The following COPG2 variants were observed in gnomAD, a reference collection of about 807,000 sequenced individuals.
COPG2 encodes coatomer subunit gamma-2.
Under a neutral mutation model 46.3 loss-of-function variants are expected in COPG2, and 37 were observed. The observed-to-expected ratio is 0.80, with a 90% confidence interval of 0.61 to 1.05. The LOEUF is 1.05. COPG2 is among the 50% of genes least tolerant of loss of function. COPG2 has a pLI of 0.00. For synonymous variants in COPG2, 159 were observed against 129.7 expected, an observed-to-expected ratio of 1.23 and a Z score of -1.53; for missense variants, 427 against 387.8, an observed-to-expected ratio of 1.10 and a Z score of -0.85.
intron 20 of COPG2, among the ~76,000 whole-genome samples, chr7:130,543,773 T>C (rs1244593357): frequency 6.6e-6 from 1 of 152,188 alleles, no homozygotes; most frequent in African/African-American, 2.4e-5. Flanking sequence ...CATGATTAAG[T>C]TGCATTCTGT....
At chr7:130,668,553 C>T (rs1414643313) in intron 1 of COPG2, 79 bp downstream of exon 1, 8 of 1,375,322 alleles carry the variant, frequency 5.8e-6, no homozygotes, top group Admixed American at 5.0e-5. Context: ...CCAGCCCCGC[C>T]GGCCTGAAAG....
In COPG2 at chr7:130,512,052, TAA is replaced by T. The variant is rs1182017221; in HGVS notation, c.2150-3395_2150-3394del. On this transcript the variant is annotated intron_variant, in intron 20 of 23. Transcript: ENST00000425248. ...CAACATGGTGAAACACTGTGTCTTC[TAA>T]AAAAAAAAAAAAAAAAAAAAAAATA... Among the ~76,000 whole-genome samples, 506 of 99,124 alleles carry T rather than the reference TAA, an allele frequency of 5.1e-3. 5 individuals are homozygous for T. Among genetic ancestry groups the T allele is most frequent in the South Asian group, 7.1e-3 (21 of 2,978 alleles). The allele number at this position is 99,124 out of a possible 152,430, so 65.0% of individuals were successfully genotyped here.
intron 5 of COPG2, among the ~76,000 whole-genome samples, chr7:130,633,985 C>A (rs1795280625): frequency 6.6e-6 from 1 of 152,092 alleles, no homozygotes; most frequent in Non-Finnish European, 1.5e-5. Context: ...GAATCCTTTC[C>A]CCATTGCTTG....
Position 130,555,037 on chromosome 7 carries a change from A to T in COPG2, c.1224T>A (p.Asp408Glu). Residue 408 changes from aspartate to glutamate, a missense_variant and splice_region_variant, in exon 13 of 24, where the codon GAT (aspartate) becomes GAA (glutamate). By Grantham distance (45) the Asp-to-Glu change is conservative. Transcript: ENST00000425248. ...MTFLSNMLRDDGGFEYKRAIV... is the reference protein window; with the variant it reads ...MTFLSNMLRDEGGFEYKRAIV... ...TATGATTAAAAAGTAGTCTACCTAC[A>T]TCATCTCGGAGCATGTTGGAGAGGA... 1 of 398,544 alleles carries T rather than the reference A, an allele frequency of 2.5e-6. No homozygotes were observed. The highest frequency in any genetic ancestry group is 4.4e-6 in the Non-Finnish European group (1 of 226,030). The allele number at this position is 398,544 out of a possible 1,614,324, so 24.7% of individuals were successfully genotyped here.
At chr7:130,656,130 A>G (rs1183127362) in intron 4 of COPG2, among the ~76,000 whole-genome samples, 2 of 151,994 alleles carry the variant, frequency 1.3e-5, no homozygotes, top group Non-Finnish European at 2.9e-5. Flanking sequence ...CCAGGTCATT[A>G]TAAGATTTAT....
intron 20 of COPG2, among the ~76,000 whole-genome samples, chr7:130,513,319 A>ATATATGTGTGTGTGTGTGTG (rs1799634845): frequency 2.4e-5 from 1 of 41,890 alleles, no homozygotes; most frequent in East Asian, 7.5e-4. Context: ...ATATATATAT[A>ATATATGTGTGTGTGTGTGTG]TATATATATA....
Position 130,508,580 on chromosome 7 carries a change from C to T in COPG2, c.2229G>A (p.Gly743=), listed in dbSNP as rs1799542221. ...DPNTGVPDED[G]YDDEYVLEDL... Reference sequence around the variant, plus strand: ...GACTCACCACATACTCATCATCATACCCATCCTCATCTGGAACTCCAGTGT... The same window carrying T: ...GACTCACCACATACTCATCATCATATCCATCCTCATCTGGAACTCCAGTGT... The change falls in exon 21 of 24, where the codon GGG becomes GGA. Residue 743 remains glycine, a synonymous_variant. Coordinates refer to ENST00000425248, the MANE Select transcript of COPG2 (RefSeq NM_012133.6). 1 of 776,488 alleles carries T rather than the reference C, an allele frequency of 1.3e-6. No homozygotes were observed. The highest frequency in any genetic ancestry group is 1.7e-5 in the African/African-American group (1 of 59,100). The allele number at this position is 776,488 out of a possible 1,614,324, so 48.1% of individuals were successfully genotyped here. A position where few individuals can be genotyped will look rare whatever the true frequency, so the allele number is the denominator to read the frequency against.
chr7:130,617,024 C>T lies in COPG2; in HGVS notation c.365G>A (p.Gly122Asp). The change falls in exon 6 of 24, where the codon GGC becomes GAC. Residue 122 changes from glycine to aspartate, a missense_variant. Coordinates refer to ENST00000425248, the MANE Select transcript of COPG2 (RefSeq NM_012133.6). ...DMTGKEDVYRGPAIRALCRIT... is the reference protein window; with the variant it reads ...DMTGKEDVYRDPAIRALCRIT... ...CCTGCAGAGAGCTCTGATGGCCGGG[C>T]CTCGGTATACATCTTCTTTTCCAGT... 1 of 1,611,416 alleles carries T rather than the reference C, an allele frequency of 6.2e-7. No individual in the cohort carries two copies. The highest frequency in any genetic ancestry group is 8.5e-7 in the Non-Finnish European group (1 of 1,178,278).
At chr7:130,639,433 T>C (rs1795418321) in intron 5 of COPG2, among the ~76,000 whole-genome samples, 2 of 152,184 alleles carry the variant, frequency 1.3e-5, no homozygotes, top group African/African-American at 4.8e-5. Flanking sequence ...AATTTCCAAG[T>C]TTTTTCCAAT....
chr7:130,586,462 G>GA (rs1331132521), intron 9 of COPG2, among the ~76,000 whole-genome samples: 1 of 151,210 alleles, frequency 6.6e-6, no homozygotes, highest in Non-Finnish European at 1.5e-5. Flanking sequence ...ATAACTTATG[G>GA]AAAAAAAAAT....
chr7:130,569,632 A>G (rs1398101493), intron 9 of COPG2, among the ~76,000 whole-genome samples: 2 of 152,222 alleles, frequency 1.3e-5, no homozygotes, highest in Non-Finnish European at 2.9e-5. Flanking sequence ...AGACATTCAA[A>G]GAATAATTGG....
At chr7:130,561,839 C>T (rs977479086) in intron 11 of COPG2, among the ~76,000 whole-genome samples, 4 of 152,124 alleles carry the variant, frequency 2.6e-5, no homozygotes, top group Admixed American at 2.0e-4. Flanking sequence ...CAAACTAATG[C>T]GAAACTCTTT....
intron 12 of COPG2, 124 bp downstream of exon 12, chr7:130,560,909 G>GA (rs1473842485): frequency 1.8e-5 from 7 of 396,244 alleles, no homozygotes; most frequent in Admixed American, 1.3e-4. Flanking sequence ...AACTATGAAA[G>GA]AAAAAAATTG....
At chr7:130,625,310 G>A (rs555301077) in intron 5 of COPG2, among the ~76,000 whole-genome samples, 2 of 152,124 alleles carry the variant, frequency 1.3e-5, no homozygotes, top group Admixed American at 6.5e-5. Context: ...ATTATCTGGG[G>A]TTCCTAGGTA....
chr7:130,511,197 T>C (rs1799589655), intron 20 of COPG2, among the ~76,000 whole-genome samples: 1 of 151,880 alleles, frequency 6.6e-6, no homozygotes, highest in Non-Finnish European at 1.5e-5. Flanking sequence ...CTCAACCACC[T>C]GGGGGAGACC....
chr7:130,518,849 C>CA (rs2116344022), intron 20 of COPG2, among the ~76,000 whole-genome samples: 1 of 151,458 alleles, frequency 6.6e-6, no homozygotes, highest in East Asian at 1.9e-4. Flanking sequence ...ACTAAAAATA[C>CA]AAAAAAATTA....
At chr7:130,554,972 T>C (rs1420276306) in intron 13 of COPG2, 65 bp downstream of exon 13, 1 of 398,146 alleles carries the variant, frequency 2.5e-6, no homozygotes, top group Non-Finnish European at 4.4e-6. Flanking sequence ...AACACTATGG[T>C]ATTTCATGGC....
At chr7:130,576,527 G>T (rs535395362) in intron 9 of COPG2, among the ~76,000 whole-genome samples, 1 of 152,130 alleles carries the variant, frequency 6.6e-6, no homozygotes, top group African/African-American at 2.4e-5. Flanking sequence ...GAACAATAAT[G>T]ACACAACCTA....
chr7:130,576,656 G>T (rs1374159035), intron 9 of COPG2, among the ~76,000 whole-genome samples: 1 of 152,072 alleles, frequency 6.6e-6, no homozygotes, highest in Non-Finnish European at 1.5e-5. Context: ...AAGACTGAAA[G>T]AGCACAAACT....
Sources: allele counts gnomAD v4.1 joint callset (sites outside exome capture counted in the v4.1 genomes callset), GRCh38; gene constraint gnomAD v4.1.1; transcripts MANE v1.5; gene names NCBI Gene and HGNC (gene_info 2026-07-23, HGNC 2026-07-21).